STK3: variants seen among roughly 807,000 people sequenced by gnomAD.
STK3 encodes serine/threonine-protein kinase 3.
Under a neutral mutation model 58.0 loss-of-function variants are expected in STK3, and 41 were observed. That is an observed-to-expected ratio of 0.71 (90% CI 0.55 to 0.92). The LOEUF is 0.92. STK3 is among the 40% of genes least tolerant of loss of function. The pLI is 0.00. For synonymous variants in STK3, 170 were observed against 191.0 expected, an observed-to-expected ratio of 0.89 and a Z score of 0.91; for missense variants, 479 against 602.7, an observed-to-expected ratio of 0.79 and a Z score of 2.15.
At chr8:98,700,797 G>A (rs561114997) in intron 6 of STK3, among the ~76,000 whole-genome samples, 7 of 152,268 alleles carry the variant, frequency 4.6e-5, no homozygotes, top group African/African-American at 1.7e-4. Flanking sequence ...TCCACAGAGT[G>A]ATCCATACAG....
chr8:98,819,871 T>C (rs563384299), intron 1 of STK3, among the ~76,000 whole-genome samples: 1 of 152,326 alleles, frequency 6.6e-6, no homozygotes, highest in Non-Finnish European at 1.5e-5. Context: ...CTTTGTGATA[T>C]TCCTACTATC....
intron 10 of STK3, among the ~76,000 whole-genome samples, chr8:98,488,861 C>G (rs766132158): frequency 6.6e-6 from 1 of 152,182 alleles, no homozygotes; most frequent in Non-Finnish European, 1.5e-5. Context: ...GCAACACTTT[C>G]GGTCTCTATT....
chr8:98,759,711 T>C (rs1169018131), intron 3 of STK3, among the ~76,000 whole-genome samples: 1 of 152,184 alleles, frequency 6.6e-6, no homozygotes, highest in Non-Finnish European at 1.5e-5. Context: ...ATATAAATTT[T>C]AAGCAATGCA....
intron 8 of STK3, among the ~76,000 whole-genome samples, chr8:98,560,063 T>C (rs1811890473): frequency 1.3e-5 from 2 of 152,136 alleles, no homozygotes; most frequent in South Asian, 4.1e-4. Context: ...TTTATTTGTC[T>C]CACTCATTAG....
chr8:98,542,959 G>T (rs1810410559), intron 9 of STK3, among the ~76,000 whole-genome samples: 1 of 152,118 alleles, frequency 6.6e-6, no homozygotes, highest in Non-Finnish European at 1.5e-5. Flanking sequence ...CCAAGTGCTA[G>T]GTATTGTATT....
intron 6 of STK3, among the ~76,000 whole-genome samples, chr8:98,663,026 A>G (rs1290224712): frequency 6.6e-6 from 1 of 152,214 alleles, no homozygotes; most frequent in African/African-American, 2.4e-5. Flanking sequence ...AAAATTGATA[A>G]ATGGGATCTA....
chr8:98,706,909 G>A (rs1826010174), intron 5 of STK3, among the ~76,000 whole-genome samples: 1 of 152,106 alleles, frequency 6.6e-6, no homozygotes, highest in African/African-American at 2.4e-5. Context: ...AATGAGCTAC[G>A]TAGCTTCCCT....
At chr8:98,375,386 T>C (rs1236938212) in intron 2 of STK3, among the ~76,000 whole-genome samples, 1 of 152,180 alleles carries the variant, frequency 6.6e-6, no homozygotes, top group Non-Finnish European at 1.5e-5. Context: ...TCTTCAGAGA[T>C]GGCATGAATA....
In STK3 at chr8:98,684,710, C is replaced by T. The variant is rs570149368; in HGVS notation, c.684+21757G>A. On this transcript the variant is annotated intron_variant, in intron 6 of 10. Transcript: ENST00000419617. ...CACAAGTCTCAAACATCAGGTCACA[C>T]CATTATTACGTAGCAACAATAGAAG... Among the ~76,000 whole-genome samples the T allele has an allele frequency of 3.3e-5, 5 of 152,238 alleles. No homozygotes were observed. The South Asian group carries it at 1.0e-3, about 32-fold the overall frequency.
At chr8:98,908,981 C>T (rs1839028735) in intron 1 of STK3, among the ~76,000 whole-genome samples, 2 of 151,764 alleles carry the variant, frequency 1.3e-5, no homozygotes, top group South Asian at 4.2e-4. Flanking sequence ...GATGGTGAAA[C>T]CCTGTCTCTA....
At chr8:98,768,710 C>T (rs979273940) in intron 2 of STK3, among the ~76,000 whole-genome samples, 1 of 152,240 alleles carries the variant, frequency 6.6e-6, no homozygotes. Flanking sequence ...AGAGAAGCTG[C>T]AATCCCCACT....
At chr8:98,464,561 AAAAG>A (rs1563628531) in intron 10 of STK3, among the ~76,000 whole-genome samples, 1 of 149,036 alleles carries the variant, frequency 6.7e-6, no homozygotes, top group South Asian at 2.1e-4. Flanking sequence ...AAAAAAAAAA[AAAAG>A]AAAGAAAGAA....
downstream of STK3, among the ~76,000 whole-genome samples, chr8:98,400,866 T>G (rs1246116381): frequency 6.6e-6 from 1 of 152,200 alleles, no homozygotes; most frequent in Non-Finnish European, 1.5e-5. Flanking sequence ...TGAAATGTCC[T>G]GTGGCAGACT....
At chr8:98,467,718 T>C (rs1820592352) in intron 10 of STK3, among the ~76,000 whole-genome samples, 1 of 152,164 alleles carries the variant, frequency 6.6e-6, no homozygotes, top group Non-Finnish European at 1.5e-5. Flanking sequence ...TGTCTGATGA[T>C]ACATTTATTT....
intron 6 of STK3, among the ~76,000 whole-genome samples, chr8:98,646,375 T>C (rs1246267488): frequency 1.3e-5 from 2 of 152,220 alleles, no homozygotes; most frequent in African/African-American, 4.8e-5. Flanking sequence ...TTTGTAATAT[T>C]AATAACCCAC....
At chr8:98,456,102 A>C (rs1819470930) in intron 10 of STK3, 102 bp from the exon 11 acceptor site, 1 of 1,155,254 alleles carries the variant, frequency 8.7e-7, no homozygotes. Flanking sequence ...TTTAACATAA[A>C]TATTTCAGCA....
upstream of STK3, among the ~76,000 whole-genome samples, chr8:98,828,481 G>A (rs1835407401): frequency 6.7e-6 from 1 of 150,288 alleles, no homozygotes; most frequent in African/African-American, 2.5e-5. Flanking sequence ...GAAATAGCTG[G>A]GCATGGTGGC....
intron 6 of STK3, among the ~76,000 whole-genome samples, chr8:98,600,822 C>G (rs961231355): frequency 1.3e-5 from 2 of 151,864 alleles, no homozygotes; most frequent in African/African-American, 4.8e-5. Flanking sequence ...GTGTGAATTA[C>G]AAAACCACAA....
intron 1 of STK3, among the ~76,000 whole-genome samples, chr8:98,776,920 G>A (rs2131501720): frequency 1.3e-5 from 2 of 152,052 alleles, no homozygotes; most frequent in South Asian, 4.2e-4. Flanking sequence ...CATGGTGGCG[G>A]GTACCTGTAG....
Sources: allele counts gnomAD v4.1 joint callset (sites outside exome capture counted in the v4.1 genomes callset), GRCh38; gene constraint gnomAD v4.1.1; transcripts MANE v1.5; gene names NCBI Gene and HGNC (gene_info 2026-07-23, HGNC 2026-07-21).